Variants in SIPA1L1 observed in about 807,000 individuals in gnomAD.
The protein encoded by SIPA1L1 is signal-induced proliferation-associated 1-like protein 1.
SIPA1L1 carries 26 observed loss-of-function variants against 162.7 expected under a neutral mutation model. The ratio of observed to expected loss-of-function variants is 0.16; its 90% CI spans 0.12 to 0.22. The LOEUF is 0.22. Ranked by LOEUF, SIPA1L1 falls within the 10% of genes least tolerant of loss-of-function variation. SIPA1L1 has a pLI of 1.00. For synonymous variants in SIPA1L1, 829 were observed against 837.4 expected, an observed-to-expected ratio of 0.99 and a Z score of 0.17; for missense variants, 1,874 against 2,241.0, an observed-to-expected ratio of 0.84 and a Z score of 3.31.
intron 2 of SIPA1L1, among the ~76,000 whole-genome samples, chr14:71,386,917 T>C (rs2040366924): frequency 6.6e-6 from 1 of 152,122 alleles, no homozygotes; most frequent in South Asian, 2.1e-4. Flanking sequence ...ATCTTCCCTA[T>C]GAACAGTAGC....
chr14:71,513,022 T>C (rs781622117), intron 3 of SIPA1L1, among the ~76,000 whole-genome samples, 177 bp downstream of exon 3: 6 of 152,142 alleles, frequency 3.9e-5, no homozygotes. Context: ...AACCAATGTA[T>C]ACCTCACATA....
At chr14:71,671,976 T>G (rs2044580944) in intron 11 of SIPA1L1, among the ~76,000 whole-genome samples, 1 of 151,270 alleles carries the variant, frequency 6.6e-6, no homozygotes, top group African/African-American at 2.4e-5. Flanking sequence ...GCATGTGACC[T>G]GTTCCCTGGT....
chr14:71,385,718 T>C (rs942171704), intron 2 of SIPA1L1, among the ~76,000 whole-genome samples: 3 of 148,470 alleles, frequency 2.0e-5, no homozygotes, highest in African/African-American at 7.5e-5. Flanking sequence ...AAACAAGTCT[T>C]GCTCTGTTGC....
chr14:71,472,848 TAAA>T (rs35990139), intron 2 of SIPA1L1, among the ~76,000 whole-genome samples: 8 of 120,476 alleles, frequency 6.6e-5, no homozygotes, highest in Non-Finnish European at 1.2e-4. Flanking sequence ...TATGAAAACT[TAAA>T]AAAAAAAAAA....
intron 8 of SIPA1L1, among the ~76,000 whole-genome samples, chr14:71,652,452 C>G (rs2042702700): frequency 6.6e-6 from 1 of 152,186 alleles, no homozygotes; most frequent in Admixed American, 6.5e-5. Flanking sequence ...GTTCAAGGAT[C>G]ATTCCCACTG....
chr14:71,674,443 GT>G (rs941983518), intron 12 of SIPA1L1, among the ~76,000 whole-genome samples: 43 of 151,624 alleles, frequency 2.8e-4, no homozygotes, highest in African/African-American at 9.9e-4. Flanking sequence ...AATATACTGA[GT>G]TTTTTACCTT....
At chr14:71,547,476 T>G (rs1230975984) in intron 4 of SIPA1L1, among the ~76,000 whole-genome samples, 1 of 151,926 alleles carries the variant, frequency 6.6e-6, no homozygotes, top group East Asian at 1.9e-4. Context: ...GTATTTTTAG[T>G]AGAGACAGGG....
At chr14:71,346,856 A>G (rs151099791) in intron 2 of SIPA1L1, among the ~76,000 whole-genome samples, 149 of 152,156 alleles carry the variant, frequency 9.8e-4, no homozygotes, top group Middle Eastern at 3.4e-3. Context: ...CCTCCTGCCT[A>G]TCTTTCTATC....
intron 2 of SIPA1L1, among the ~76,000 whole-genome samples, chr14:71,332,128 C>G (rs2034615429): frequency 1.3e-5 from 2 of 152,158 alleles, no homozygotes; most frequent in South Asian, 4.2e-4. Flanking sequence ...TATTAGTGAC[C>G]AAATGAATTT....
chr14:71,476,491 A>G (rs890491033), intron 2 of SIPA1L1, among the ~76,000 whole-genome samples: 9 of 152,296 alleles, frequency 5.9e-5, no homozygotes, highest in African/African-American at 1.9e-4. Flanking sequence ...ACTTAATACT[A>G]CATTGTTCCA....
intron 2 of SIPA1L1, among the ~76,000 whole-genome samples, chr14:71,499,593 C>G (rs949552029): frequency 8.6e-5 from 13 of 151,940 alleles, no homozygotes; most frequent in African/African-American, 3.1e-4. Context: ...CTTTATTTTC[C>G]TCAGTTATTT....
At chr14:71,514,826 C>A (rs1294458528) in intron 3 of SIPA1L1, among the ~76,000 whole-genome samples, 1 of 152,234 alleles carries the variant, frequency 6.6e-6, no homozygotes, top group Non-Finnish European at 1.5e-5. Flanking sequence ...CTAACCATCA[C>A]ACCTAGTGTG....
chr14:71,568,046 G>T (rs1175827331), intron 4 of SIPA1L1, among the ~76,000 whole-genome samples: 1 of 152,222 alleles, frequency 6.6e-6, no homozygotes, highest in African/African-American at 2.4e-5. Context: ...CTTGGTTTTG[G>T]TGGGGTTTGG....
intron 4 of SIPA1L1, among the ~76,000 whole-genome samples, chr14:71,576,273 G>A (rs941521623): frequency 3.3e-5 from 5 of 152,172 alleles, no homozygotes; most frequent in African/African-American, 9.7e-5. Flanking sequence ...TCAGACTCTC[G>A]AGCAGTGACC....
intron 10 of SIPA1L1, among the ~76,000 whole-genome samples, chr14:71,666,931 A>G (rs908955568): frequency 6.6e-6 from 1 of 151,772 alleles, no homozygotes; most frequent in Non-Finnish European, 1.5e-5. Context: ...AAATCCAAGT[A>G]GGTCAAGTGA....
intron 5 of SIPA1L1, among the ~76,000 whole-genome samples, chr14:71,597,262 G>A (rs1029207118): frequency 2.6e-5 from 4 of 152,004 alleles, no homozygotes; most frequent in African/African-American, 4.8e-5. Flanking sequence ...GATTATGTAC[G>A]TGAGCCACTG....
intron 2 of SIPA1L1, among the ~76,000 whole-genome samples, chr14:71,457,206 C>T (rs986733564): frequency 2.6e-5 from 4 of 152,204 alleles, no homozygotes; most frequent in African/African-American, 9.6e-5. Context: ...ACCCTCCATT[C>T]TTCCATTCCT....
intron 2 of SIPA1L1, among the ~76,000 whole-genome samples, chr14:71,446,456 C>T (rs994583225): frequency 6.6e-6 from 1 of 152,088 alleles, no homozygotes; most frequent in East Asian, 1.9e-4. Context: ...AATCCCAGCT[C>T]TTTGTGAGGC....
Position 71,381,162 on chromosome 14 carries a change from C to T in SIPA1L1, c.-465+59981C>T, listed in dbSNP as rs562401444. Among the ~76,000 whole-genome samples the T allele has an allele frequency of 6.4e-4, 98 of 152,286 alleles. 1 individual carries two copies. Among genetic ancestry groups the T allele is most frequent in the South Asian group, 2.3e-3 (11 of 4,824 alleles). ...CCGCCTCCCGGGTTCAAGTGATTCT[C>T]CTGCCTCAGCCTTCCGAGTAGCTGG... On this transcript the variant is annotated intron_variant, in intron 2 of 23. Coordinates refer to ENST00000381232, the MANE Select transcript of SIPA1L1 (RefSeq NM_001386936.1).
Sources: gnomAD v4.1 joint callset for allele counts (sites outside exome capture counted in the v4.1 genomes callset) on GRCh38, gnomAD v4.1.1 for gene constraint, MANE v1.5 for transcripts, NCBI Gene and HGNC (gene_info 2026-07-23, HGNC 2026-07-21) for gene names.